The following RAB31 variants were observed in gnomAD, a reference collection of about 807,000 sequenced individuals.
RAB31 encodes RAB31, member RAS oncogene family, also known as ras-related protein Rab-31.
A neutral mutation model predicts 25.6 loss-of-function variants in RAB31; 21 were observed. That is an observed-to-expected ratio of 0.82 (90% CI 0.58 to 1.18). RAB31 has a LOEUF of 1.18. Among genes scored for constraint, RAB31 ranks in the 50% most tolerant of loss-of-function variants. The probability of loss-of-function intolerance (pLI) is 0.00; values close to 1 mark genes in which losing one functional copy is unlikely to be tolerated. For synonymous variants in RAB31, 87 were observed against 84.0 expected, an observed-to-expected ratio of 1.04 and a Z score of -0.20; for missense variants, 196 against 250.1, an observed-to-expected ratio of 0.78 and a Z score of 1.46.
Position 9,766,695 on chromosome 18 carries a change from C to T in RAB31, c.40-8583C>T, listed in dbSNP as rs534877869. Among the ~76,000 whole-genome samples, 8 of 152,284 alleles carry T rather than the reference C, an allele frequency of 5.3e-5. No individual in the cohort carries two copies. Among genetic ancestry groups the T allele is most frequent in the Admixed American group, 2.6e-4 (4 of 15,290 alleles). ...ATGTGGCTGGGCGCATGGCTCACAC[C>T]GGTAATCTCAGCACTTTGGGAGGCT... On this transcript the variant is annotated intron_variant, in intron 1 of 6. Coordinates refer to ENST00000578921, the MANE Select transcript of RAB31 (RefSeq NM_006868.4). This position sits in a 1 kb window ranked among gnomAD's most constrained non-coding sequence, Gnocchi z 4.3.
intron 5 of RAB31, among the ~76,000 whole-genome samples, chr18:9,823,680 T>C (rs1455492788): frequency 6.6e-6 from 1 of 152,188 alleles, no homozygotes; most frequent in Non-Finnish European, 1.5e-5. Flanking sequence ...ATATGCATTA[T>C]ATATATTATA....
Position 9,859,529 on chromosome 18 carries a change from A to G in RAB31, c.*204A>G. The G allele has an allele frequency of 2.3e-6, 1 of 443,908 alleles. No individual in the cohort carries two copies. The allele number at this position is 443,908 out of a possible 1,614,324, so 27.5% of individuals were successfully genotyped here. The stretch of plus-strand genomic sequence containing the variant: ...AAACCCTGGGAAAACCCACCACACC[A>G]CCACAAAATGGCCTTTAGTGTATGA... On this transcript the variant is annotated 3_prime_UTR_variant, in exon 7 of 7. Transcript: ENST00000578921.
chr18:9,712,432 A>G (rs1484343640), intron 1 of RAB31, among the ~76,000 whole-genome samples: 2 of 152,266 alleles, frequency 1.3e-5, no homozygotes, highest in African/African-American at 4.8e-5. Flanking sequence ...GCAGGACCCC[A>G]TGAGTTTCCT....
At chr18:9,785,120 A>T (rs1309214063) in intron 2 of RAB31, 2 of 153,200 alleles carry the variant, frequency 1.3e-5, no homozygotes, top group Non-Finnish European at 2.9e-5. Context: ...TTACTCAGGG[A>T]TGCTGGACTT....
intron 5 of RAB31, among the ~76,000 whole-genome samples, chr18:9,822,349 C>A (rs2068628255): frequency 6.6e-6 from 1 of 152,050 alleles, no homozygotes; most frequent in African/African-American, 2.4e-5. Context: ...ACCCATAAAA[C>A]TTTTAGAAAA....
chr18:9,840,426 G>A (rs3786422), intron 5 of RAB31, among the ~76,000 whole-genome samples: 19 of 152,236 alleles, frequency 1.2e-4, no homozygotes, highest in African/African-American at 4.1e-4. Context: ...TCCCATAATC[G>A]TAATGACGGG....
At chr18:9,722,197 C>G (rs1410532749) in intron 1 of RAB31, among the ~76,000 whole-genome samples, 2 of 152,084 alleles carry the variant, frequency 1.3e-5, no homozygotes, top group Non-Finnish European at 2.9e-5. Context: ...AGTGAGAGAG[C>G]TTGCTAAGGT....
chr18:9,749,425 C>T (rs550122971), intron 1 of RAB31, among the ~76,000 whole-genome samples: 17 of 152,328 alleles, frequency 1.1e-4, no homozygotes, highest in Non-Finnish European at 5.9e-5. Context: ...GTGTCTGATT[C>T]CAGAGCCCAG....
chr18:9,777,408 G>A (rs1050151548), intron 2 of RAB31, among the ~76,000 whole-genome samples: 1 of 152,152 alleles, frequency 6.6e-6, no homozygotes, highest in African/African-American at 2.4e-5. Context: ...TACTCAACAT[G>A]TACAAGCATC....
At chr18:9,818,336 C>T (rs2068609389) in intron 5 of RAB31, among the ~76,000 whole-genome samples, 1 of 152,196 alleles carries the variant, frequency 6.6e-6, no homozygotes, top group Non-Finnish European at 1.5e-5. Context: ...TTCTATCACT[C>T]TGTGAAGAAC....
intron 1 of RAB31, among the ~76,000 whole-genome samples, chr18:9,750,221 C>A (rs972635845): frequency 6.6e-6 from 1 of 152,016 alleles, no homozygotes; most frequent in Non-Finnish European, 1.5e-5. Flanking sequence ...AACTGGTTTG[C>A]GGGAGTGTAA....
intron 5 of RAB31, among the ~76,000 whole-genome samples, chr18:9,828,393 A>T (rs756673842): frequency 2.9e-4 from 44 of 152,034 alleles, no homozygotes; most frequent in Admixed American, 2.0e-4. Flanking sequence ...AAGAGATCAA[A>T]CCTATTGGCC....
intron 1 of RAB31, among the ~76,000 whole-genome samples, chr18:9,726,905 T>G (rs2068098687): frequency 6.6e-6 from 1 of 152,182 alleles, no homozygotes; most frequent in African/African-American, 2.4e-5. Flanking sequence ...CTGTTCCCCC[T>G]TCCAAGCATT....
rs1187375789 is a variant in RAB31 at position 9,777,709 on chromosome 18, C to T, written c.119+2352C>T. ...AGATTTGTGCCTTCTACTTTCTAAA[C>T]TTTTGTTTAAAAATTTTTTTAAAAT... On this transcript the variant is annotated intron_variant, in intron 2 of 6. Transcript: ENST00000578921. 2.0e-5 allele frequency among the ~76,000 whole-genome samples: 3 copies of T among 149,372 alleles called. No individual in the cohort carries two copies. In the South Asian group the frequency reaches 6.3e-4, roughly 32 times the overall value.
intron 3 of RAB31, among the ~76,000 whole-genome samples, chr18:9,792,804 T>C (rs1046658759): frequency 2.0e-5 from 3 of 152,118 alleles, no homozygotes; most frequent in African/African-American, 7.2e-5. Context: ...CAAGGGCTGG[T>C]GTCAGCCCCA....
At chr18:9,739,473 A>G (rs1339874252) in intron 1 of RAB31, among the ~76,000 whole-genome samples, 1 of 152,124 alleles carries the variant, frequency 6.6e-6, no homozygotes, top group East Asian at 1.9e-4. Flanking sequence ...CTCTGTCTCA[A>G]AAAAAAGAAT....
chr18:9,848,490 A>C (rs2068772888), intron 6 of RAB31, among the ~76,000 whole-genome samples: 1 of 152,144 alleles, frequency 6.6e-6, no homozygotes, highest in African/African-American at 2.4e-5. Context: ...TTTCTCCTTC[A>C]TGTGAATTTC....
intron 1 of RAB31, among the ~76,000 whole-genome samples, chr18:9,726,848 AAC>A (rs2068098251): frequency 6.6e-6 from 1 of 152,186 alleles, no homozygotes; most frequent in African/African-American, 2.4e-5. Flanking sequence ...GACCTATGTA[AAC>A]ACCTGGGTCA....
intron 1 of RAB31, among the ~76,000 whole-genome samples, chr18:9,741,863 C>A (rs1395398273): frequency 6.6e-6 from 1 of 152,162 alleles, no homozygotes; most frequent in Non-Finnish European, 1.5e-5. Context: ...CGGGACATAC[C>A]CCTCATCCAC....
Sources: gnomAD v4.1 joint callset for allele counts (sites outside exome capture counted in the v4.1 genomes callset) on GRCh38, gnomAD v4.1.1 for gene constraint, Gnocchi (gnomAD v3.1) non-coding constraint, MANE v1.5 for transcripts, NCBI Gene and HGNC (gene_info 2026-07-23, HGNC 2026-07-21) for gene names.